SLC8A1: variants seen among roughly 807,000 people sequenced by gnomAD.
SLC8A1 encodes solute carrier family 8 member A1, also known as sodium/calcium exchanger 1.
SLC8A1 carries 18 observed loss-of-function variants against 68.3 expected under a neutral mutation model. That is an observed-to-expected ratio of 0.26 (90% CI 0.18 to 0.39). The LOEUF (loss-of-function observed/expected upper bound fraction) is 0.39. Among genes scored for constraint, SLC8A1 ranks in the 10% least tolerant of loss-of-function variants. The pLI is 1.00. For missense variants in SLC8A1, 985 were observed against 1,156.7 expected, an observed-to-expected ratio of 0.85 and a Z score of 2.15; for synonymous variants, 475 against 415.5, an observed-to-expected ratio of 1.14 and a Z score of -1.74.
chr2:40,298,141 CAA>C (rs1460014660), intron 2 of SLC8A1, among the ~76,000 whole-genome samples: 3 of 152,110 alleles, frequency 2.0e-5, no homozygotes, highest in Admixed American at 2.0e-4. Context: ...CTCAGCCTCC[CAA>C]AGTGTTGGGA....
intron 2 of SLC8A1, among the ~76,000 whole-genome samples, chr2:40,258,319 G>A (rs1178482087): frequency 6.6e-6 from 1 of 152,170 alleles, no homozygotes; most frequent in African/African-American, 2.4e-5. Flanking sequence ...CCAAGAGCAA[G>A]AACAAAGTAC....
chr2:40,116,483 C>T (rs1163347658), intron 7 of SLC8A1, among the ~76,000 whole-genome samples: 2 of 151,590 alleles, frequency 1.3e-5, no homozygotes, highest in African/African-American at 4.8e-5. Context: ...CCACAGCAGT[C>T]CCCAGAGTGT....
chr2:40,275,230 C>A (rs1448032158), intron 2 of SLC8A1, among the ~76,000 whole-genome samples: 2 of 152,086 alleles, frequency 1.3e-5, no homozygotes, highest in Non-Finnish European at 2.9e-5. Flanking sequence ...TATACCTTTG[C>A]AGGTAAGTAA....
intron 2 of SLC8A1, among the ~76,000 whole-genome samples, chr2:40,312,780 T>G (rs1463489043): frequency 6.6e-6 from 1 of 152,106 alleles, no homozygotes; most frequent in Non-Finnish European, 1.5e-5. Flanking sequence ...CTTTATCAAC[T>G]GTAGAAAACT....
intron 1 of SLC8A1, among the ~76,000 whole-genome samples, chr2:40,434,940 G>A: frequency 6.6e-6 from 1 of 152,136 alleles, no homozygotes. Flanking sequence ...TAAAGGAAGA[G>A]GGAGAGCTTT....
intron 1 of SLC8A1, among the ~76,000 whole-genome samples, chr2:40,503,939 G>A (rs1706202097): frequency 1.3e-5 from 2 of 151,946 alleles, no homozygotes. Flanking sequence ...ATTCTTCACT[G>A]AAATAGAAAA....
intron 2 of SLC8A1, chr2:40,209,989 C>T (rs773093580): frequency 3.3e-5 from 5 of 152,228 alleles, no homozygotes; most frequent in Non-Finnish European, 7.3e-5. Flanking sequence ...CAGGCAGCCT[C>T]TATTGATTGA....
chr2:40,243,679 T>A (rs1309322349), intron 2 of SLC8A1, among the ~76,000 whole-genome samples: 1 of 152,194 alleles, frequency 6.6e-6, no homozygotes, highest in East Asian at 1.9e-4. Context: ...CAGCACTGTG[T>A]ATTTTTGGAA....
intron 2 of SLC8A1, among the ~76,000 whole-genome samples, chr2:40,413,542 G>C (rs1692850828): frequency 6.6e-6 from 1 of 152,076 alleles, no homozygotes; most frequent in African/African-American, 2.4e-5. Flanking sequence ...TCTTAATAAA[G>C]GAGGAATTCA....
intron 2 of SLC8A1, among the ~76,000 whole-genome samples, chr2:40,360,045 T>C (rs968108780): frequency 1.3e-5 from 2 of 152,162 alleles, no homozygotes; most frequent in African/African-American, 4.8e-5. Flanking sequence ...CACTGGCATG[T>C]GCCAGAAGTT....
intron 2 of SLC8A1, among the ~76,000 whole-genome samples, chr2:40,200,245 T>TATATATATTTATATATATATATAA (rs2054060823): frequency 5.9e-5 from 1 of 16,842 alleles, no homozygotes; most frequent in African/African-American, 1.5e-4. Context: ...TATAAATATA[T>TATATATATTTATATATATATATAA]ATATATATAT....
chr2:40,165,271 G>A (rs1238272829), intron 4 of SLC8A1, among the ~76,000 whole-genome samples: 1 of 152,176 alleles, frequency 6.6e-6, no homozygotes, highest in East Asian at 1.9e-4. Context: ...GACTCTGCCT[G>A]TACATTGTCT....
chr2:40,415,720 G>C (rs757923221), intron 2 of SLC8A1, among the ~76,000 whole-genome samples: 3 of 152,070 alleles, frequency 2.0e-5, no homozygotes, highest in Non-Finnish European at 4.4e-5. Context: ...GGTGTGGCCT[G>C]TTATCCCAGC....
Position 40,345,388 on chromosome 2 carries a change from C to T in SLC8A1, c.1808+83085G>A, listed in dbSNP as rs549502505. Among the ~76,000 whole-genome samples the T allele has an allele frequency of 3.9e-4, 60 of 152,012 alleles. 1 individual carries two copies. Among genetic ancestry groups the T allele is most frequent in the South Asian group, 1.2e-3 (6 of 4,820 alleles). ...AATTGAAGTGTGATAGGGTAGAAAACATGTTTTATACCACATGTAGGGAAG... is the reference window on the plus strand; with the variant it reads ...AATTGAAGTGTGATAGGGTAGAAAATATGTTTTATACCACATGTAGGGAAG... On this transcript the variant is annotated intron_variant, in intron 2 of 7. Transcript: ENST00000406785.
intron 1 of SLC8A1, among the ~76,000 whole-genome samples, chr2:40,431,864 A>G (rs550732467): frequency 9.2e-4 from 140 of 152,218 alleles, no homozygotes; most frequent in African/African-American, 3.3e-3. Context: ...TGCCTAGGAC[A>G]TTCTGGCAGA....
At chr2:40,271,877 T>C (rs998426729) in intron 2 of SLC8A1, among the ~76,000 whole-genome samples, 1 of 152,116 alleles carries the variant, frequency 6.6e-6, no homozygotes, top group African/African-American at 2.4e-5. Context: ...TTTATTTATT[T>C]TTTTTTAGAG....
At chr2:40,468,312 T>C (rs1703812262) in intron 1 of SLC8A1, among the ~76,000 whole-genome samples, 1 of 152,202 alleles carries the variant, frequency 6.6e-6, no homozygotes, top group African/African-American at 2.4e-5. Flanking sequence ...GTGGTGTTTA[T>C]GTATATTCTA....
rs144995433 is a variant in SLC8A1, at chr2:40,303,048, G to T, written c.1809-125193C>A. On this transcript the variant is annotated intron_variant, in intron 2 of 7. Transcript: ENST00000406785. ...AGACATTTTCAATTCTTCCTTTCTT[G>T]TAGACTGTAAGCACTAGCAAAATGA... Among the ~76,000 whole-genome samples, 764 of 152,282 alleles carry T rather than the reference G, an allele frequency of 5.0e-3. 9 individuals are homozygous for T. Among genetic ancestry groups the T allele is most frequent in the African/African-American group, 0.017 (702 of 41,562 alleles).
rs184668949 is a variant in SLC8A1, at chr2:40,254,506, T to C, written c.1809-76651A>G. The C allele has an allele frequency of 7.1e-4, 81 of 114,568 alleles. 1 individual carries two copies. Among genetic ancestry groups the C allele is most frequent in the African/African-American group, 2.7e-3 (81 of 29,686 alleles). The allele number at this position is 114,568 out of a possible 1,614,324, so 7.1% of individuals were successfully genotyped here. A position where few individuals can be genotyped will look rare whatever the true frequency, so the allele number is the denominator to read the frequency against. On this transcript the variant is annotated intron_variant, in intron 2 of 7. Coordinates refer to ENST00000406785, the Ensembl canonical transcript of SLC8A1. ...TTACTCTCTTGAACTCTTGAAAATATCAAAAACATGAAGCTAAATGCAGTA... is the reference window on the plus strand; with the variant it reads ...TTACTCTCTTGAACTCTTGAAAATACCAAAAACATGAAGCTAAATGCAGTA...
Sources: allele counts gnomAD v4.1 joint callset (sites outside exome capture counted in the v4.1 genomes callset), GRCh38; gene constraint gnomAD v4.1.1; transcripts MANE v1.5; gene names NCBI Gene and HGNC (gene_info 2026-07-23, HGNC 2026-07-21).